GASK1A: variants seen among roughly 807,000 people sequenced by gnomAD.
GASK1A encodes the protein golgi associated kinase 1A, also known as Golgi-associated kinase 1A.
GASK1A carries 40 observed loss-of-function variants against 41.2 expected under a neutral mutation model. That is an observed-to-expected ratio of 0.97 (90% CI 0.75 to 1.27). GASK1A has a LOEUF of 1.27. Ranked by LOEUF, GASK1A falls within the 50% of genes most tolerant of loss-of-function variation. GASK1A has a pLI of 0.00. For synonymous variants in GASK1A, 316 were observed against 307.1 expected, an observed-to-expected ratio of 1.03 and a Z score of -0.30; for missense variants, 678 against 745.1, an observed-to-expected ratio of 0.91 and a Z score of 1.05.
intron 1 of GASK1A, among the ~76,000 whole-genome samples, chr3:43,023,255 C>T (rs1559402679): frequency 1.3e-5 from 2 of 152,078 alleles, no homozygotes; most frequent in Non-Finnish European, 1.5e-5. Context: ...CAAGGAATGC[C>T]GACAGCCACC....
intron 2 of GASK1A, among the ~76,000 whole-genome samples, chr3:43,052,275 A>G: frequency 6.6e-6 from 1 of 152,042 alleles, no homozygotes; most frequent in Non-Finnish European, 1.5e-5. Context: ...TCCACCAAAC[A>G]TTTCACAAGG....
chr3:43,003,311 A>G (rs535306771), intron 1 of GASK1A, among the ~76,000 whole-genome samples: 11 of 152,268 alleles, frequency 7.2e-5, no homozygotes, highest in African/African-American at 2.6e-4. Flanking sequence ...CCTGGCCAAC[A>G]TGGCAAAACT....
intron 1 of GASK1A, among the ~76,000 whole-genome samples, chr3:42,992,158 G>A (rs960445502): frequency 1.3e-5 from 2 of 152,136 alleles, no homozygotes; most frequent in African/African-American, 4.8e-5. Flanking sequence ...AGTCTGGAGA[G>A]GCTCCTGGCT....
chr3:42,985,687 T>G (rs183539919), intron 1 of GASK1A, among the ~76,000 whole-genome samples: 66 of 151,600 alleles, frequency 4.4e-4, no homozygotes, highest in Non-Finnish European at 7.2e-4. Flanking sequence ...GCTGAAGATA[T>G]AGAGAAAGGA....
chr3:42,986,289 A>G (rs1345571615), intron 1 of GASK1A, among the ~76,000 whole-genome samples: 2 of 152,172 alleles, frequency 1.3e-5, no homozygotes, highest in Non-Finnish European at 2.9e-5. Flanking sequence ...TAGGGATGGA[A>G]AACAGATCAG....
intron 1 of GASK1A, among the ~76,000 whole-genome samples, chr3:42,998,701 TCTC>T (rs993209153): frequency 2.0e-4 from 30 of 152,228 alleles, no homozygotes; most frequent in Admixed American, 1.2e-3. Context: ...TGGGTGGCCC[TCTC>T]CTCCTGGTGG....
chr3:43,032,563 A>T lies in GASK1A; in HGVS notation c.300A>T (p.Arg100Ser), dbSNP rs1463417104. 1 of 1,550,564 alleles carries T rather than the reference A, an allele frequency of 6.4e-7. No homozygotes were observed. Among genetic ancestry groups the T allele is most frequent in the Non-Finnish European group, 8.7e-7 (1 of 1,146,136 alleles). Residue 100 changes from arginine (R) to serine (S), a missense_variant, in exon 2 of 5, where the codon AGA becomes AGT. Transcript: ENST00000430121. ...CTGAGGAGCAAGGCCATAGAGCAAG[A>T]GTGGACAGAAGCAGGGAGTCCCCAG... is the stretch of plus-strand genomic sequence containing the variant. ...VCAEEQGHRA[R>S]VDRSRESPGG...
chr3:43,007,856 G>A (rs1001634561), intron 1 of GASK1A, among the ~76,000 whole-genome samples: 1 of 152,182 alleles, frequency 6.6e-6, no homozygotes, highest in African/African-American at 2.4e-5. Context: ...CCTCACCTAG[G>A]TGACCTGATA....
intron 1 of GASK1A, among the ~76,000 whole-genome samples, chr3:43,001,445 G>A (rs2089408613): frequency 6.6e-6 from 1 of 152,214 alleles, no homozygotes; most frequent in South Asian, 2.1e-4. Context: ...AAGAAAAGGA[G>A]CCAGATATTA....
At position 43,032,904 on chromosome 3, in the gene GASK1A, G is replaced by A; in HGVS notation, c.641G>A (p.Gly214Glu). The A allele has an allele frequency of 6.4e-7, 1 of 1,551,068 alleles. No homozygotes were observed. The highest frequency in any genetic ancestry group is 8.7e-7 in the Non-Finnish European group (1 of 1,146,826). Residue 214 changes from glycine to glutamate, a missense_variant, in exon 2 of 5, where the codon GGG becomes GAG. Transcript: ENST00000430121. The part of the protein sequence containing the change: ...LGAENRALTG[G>E]QQAEDPTLAS... ...GCTGAGAACAGAGCCTTGACTGGTG[G>A]GCAACAAGCAGAGGATCCCACCTTG...
At chr3:42,985,065 G>A (rs2089301575) in intron 1 of GASK1A, among the ~76,000 whole-genome samples, 1 of 152,176 alleles carries the variant, frequency 6.6e-6, no homozygotes, top group Non-Finnish European at 1.5e-5. Context: ...TTCATATAGG[G>A]AGTGTTTGGT....
Position 43,053,571 on chromosome 3 carries a change from A to G in GASK1A, c.1341A>G (p.Ser447=). The G allele has an allele frequency of 6.4e-7, 1 of 1,551,722 alleles. No homozygotes were observed. The highest frequency in any genetic ancestry group is 8.7e-7 in the Non-Finnish European group (1 of 1,146,990). ...RYCCGFEPEP[S]DPCVEERLRE... is the part of the protein sequence containing the mutation. Reference sequence around the variant, plus strand: ...GCTGTGGCTTCGAGCCTGAGCCCTCAGACCCCTGTGTGGAAGAGAGGCTCC... The same window carrying G: ...GCTGTGGCTTCGAGCCTGAGCCCTCGGACCCCTGTGTGGAAGAGAGGCTCC... The change falls in exon 3 of 5, where the codon TCA becomes TCG. Residue 447 remains serine (S), a synonymous_variant. Coordinates refer to ENST00000430121, the MANE Select transcript of GASK1A (RefSeq NM_001129908.3).
intron 2 of GASK1A, among the ~76,000 whole-genome samples, chr3:43,036,745 G>A (rs747838981): frequency 6.6e-6 from 1 of 152,184 alleles, no homozygotes; most frequent in Non-Finnish European, 1.5e-5. Context: ...GTGGGGAGAA[G>A]AGACATCTAG....
intron 2 of GASK1A, among the ~76,000 whole-genome samples, chr3:43,039,551 C>T (rs1310254541): frequency 2.0e-5 from 3 of 152,084 alleles, no homozygotes; most frequent in Non-Finnish European, 2.9e-5. Context: ...TTCAGGGGTA[C>T]ATGTGCAGGT....
Position 43,056,520 on chromosome 3 carries a change from T to A in GASK1A, c.*134T>A. The A allele has an allele frequency of 2.6e-6, 2 of 762,614 alleles. No individual in the cohort carries two copies. The highest frequency in any genetic ancestry group is 4.1e-6 in the Non-Finnish European group (2 of 485,656). The allele number at this position is 762,614 out of a possible 1,614,324, so 47.2% of individuals were successfully genotyped here. On this transcript the variant is annotated 3_prime_UTR_variant, in exon 5 of 5. Transcript: ENST00000430121. ...GATGTCACGGGATATTTCACCTGCC[T>A]GGGATGGTGGAGGTAGTATGGGGTT...
intron 1 of GASK1A, among the ~76,000 whole-genome samples, chr3:43,004,105 C>T (rs1040304389): frequency 2.6e-5 from 4 of 152,218 alleles, no homozygotes; most frequent in African/African-American, 9.6e-5. Context: ...GGTTGGAGAA[C>T]TTTGGCAGGC....
chr3:42,997,350 C>T (rs1284378988), intron 1 of GASK1A, among the ~76,000 whole-genome samples: 2 of 151,832 alleles, frequency 1.3e-5, no homozygotes, highest in Non-Finnish European at 2.9e-5. Flanking sequence ...TTCGGAGCTC[C>T]CTTTTGGCCT....
intron 1 of GASK1A, among the ~76,000 whole-genome samples, chr3:43,001,707 G>A (rs964193695): frequency 1.3e-5 from 2 of 152,208 alleles, no homozygotes; most frequent in Non-Finnish European, 2.9e-5. Context: ...GGAAGGTAAA[G>A]GTGAAGGTGG....
intron 2 of GASK1A, among the ~76,000 whole-genome samples, chr3:43,040,064 G>A (rs1317702810): frequency 3.9e-5 from 6 of 152,072 alleles, no homozygotes; most frequent in Non-Finnish European, 8.8e-5. Context: ...TGATTTTTAC[G>A]TTCGTGTGTT....
Sources: allele counts gnomAD v4.1 joint callset (sites outside exome capture counted in the v4.1 genomes callset), GRCh38; gene constraint gnomAD v4.1.1; transcripts MANE v1.5; gene names NCBI Gene and HGNC (gene_info 2026-07-23, HGNC 2026-07-21).